TMEM164: variants seen among roughly 807,000 people sequenced by gnomAD.
TMEM164 encodes RP13-360B22.2.
Under a neutral mutation model 18.8 loss-of-function variants are expected in TMEM164, and 4 were observed. The ratio of observed to expected loss-of-function variants is 0.21; its 90% CI spans 0.10 to 0.49. TMEM164 has a LOEUF of 0.49. Ranked by LOEUF, TMEM164 falls within the 20% of genes least tolerant of loss-of-function variation. The pLI, the probability that TMEM164 is intolerant of heterozygous loss-of-function variation, is 0.98. For synonymous variants in TMEM164, 86 were observed against 101.7 expected (o/e 0.85, Z 0.93); for missense variants, 108 against 239.9 (o/e 0.45, Z 3.63).
chrX:110,164,344 A>G, intron 5 of TMEM164, among the ~76,000 whole-genome samples: 1 of 111,811 alleles, frequency 8.9e-6, no homozygotes, highest in Admixed American at 9.5e-5. Context: ...AAAGGGAGCC[A>G]TGAGGGACAG....
At chrX:110,076,713 T>C (rs772293250) in intron 3 of TMEM164, among the ~76,000 whole-genome samples, 24 of 112,285 alleles carry the variant, frequency 2.1e-4, no homozygotes, top group African/African-American at 7.7e-4. Context: ...TCTGCCTTAA[T>C]TGTATGGTTT....
downstream of TMEM164, among the ~76,000 whole-genome samples, chrX:110,181,561 G>A (rs1370532063): frequency 2.7e-5 from 3 of 113,068 alleles, no homozygotes; most frequent in African/African-American, 9.6e-5. Flanking sequence ...TACAACCTCA[G>A]TAGTTATGTC....
At position 110,035,191 on chromosome X, in the gene TMEM164, G is replaced by A. The variant is rs754529599; in HGVS notation, c.390+31027G>A. 4.7e-3 allele frequency among the ~76,000 whole-genome samples: 507 copies of A among 108,157 alleles called. 2 individuals carry two copies. The highest frequency in any genetic ancestry group is 8.4e-3 in the Non-Finnish European group (437 of 52,182). 93.9% of individuals were successfully genotyped at this position (108,157 alleles called of 115,157 possible). A position where few individuals can be genotyped will look rare whatever the true frequency, so the allele number is the denominator to read the frequency against. On this transcript the variant is annotated intron_variant, in intron 2 of 6. Transcript: ENST00000372068. ...CATATGTAACTAACATGCACGTTGT[G>A]CACATGTACCCTAAAACTTAAAGTA...
intron 4 of TMEM164, 143 bp downstream of exon 4, chrX:110,109,289 G>A (rs1257221404): frequency 2.6e-5 from 13 of 503,335 alleles, no homozygotes; most frequent in East Asian, 3.9e-5. Flanking sequence ...AGGCCAAGGC[G>A]GGTGGATCAC....
rs1260107772 is a variant in TMEM164, at chrX:110,175,163, C to G, written c.*1712C>G. The G allele has an allele frequency of 1.3e-4, 15 of 112,882 alleles. No homozygotes were observed. The highest frequency in any genetic ancestry group is 4.8e-4 in the African/African-American group (15 of 31,085). 9.3% of individuals were successfully genotyped at this position (112,882 alleles called of 1,213,427 possible). A position where few individuals can be genotyped will look rare whatever the true frequency, so the allele number is the denominator to read the frequency against. On this transcript the variant is annotated 3_prime_UTR_variant, in exon 7 of 7. Coordinates refer to ENST00000372068, the MANE Select transcript of TMEM164 (RefSeq NM_032227.4). ...TCTTTGAAGGCAGGGCCAAACTTTT[C>G]TTAGTGCCTCTCACCTTAGGGTGGC...
At chrX:110,072,296 CAAAA>C (rs56056315) in intron 3 of TMEM164, among the ~76,000 whole-genome samples, 1 of 46,317 alleles carries the variant, frequency 2.2e-5, no homozygotes, top group Non-Finnish European at 3.8e-5. Flanking sequence ...GACTCCATCT[CAAAA>C]AAAAAAAAAA....
intron 2 of TMEM164, among the ~76,000 whole-genome samples, chrX:110,021,049 G>A (rs1327887904): frequency 9.4e-6 from 1 of 106,516 alleles, no homozygotes; most frequent in East Asian, 2.9e-4. Context: ...TAAAAATCTG[G>A]AAGAATGTAT....
chrX:110,044,433 T>TG (rs1555990454), intron 2 of TMEM164, among the ~76,000 whole-genome samples: 32 of 109,255 alleles, frequency 2.9e-4, no homozygotes, highest in Non-Finnish European at 5.0e-4. Flanking sequence ...AGGTTTTTTT[T>TG]TTGTTGTTGT....
chrX:110,025,706 A>G (rs998917065), intron 2 of TMEM164, among the ~76,000 whole-genome samples: 10 of 111,991 alleles, frequency 8.9e-5, no homozygotes, highest in African/African-American at 2.9e-4. Flanking sequence ...GCTGCCTTTC[A>G]GTTTTCTATT....
At chrX:110,114,962 GC>G in intron 4 of TMEM164, among the ~76,000 whole-genome samples, 1 of 111,665 alleles carries the variant, frequency 9.0e-6, no homozygotes, top group East Asian at 2.8e-4. Context: ...CTCTCCTTTT[GC>G]CCAGTTCTTT....
At chrX:110,053,271 TGGTTGACA>T (rs1457757426) in intron 2 of TMEM164, among the ~76,000 whole-genome samples, 1 of 111,743 alleles carries the variant, frequency 8.9e-6, no homozygotes, top group East Asian at 2.8e-4. Context: ...GCTTTAATTT[TGGTTGACA>T]GGGTGCCGTA....
At chrX:110,032,077 T>C (rs186458093) in intron 2 of TMEM164, among the ~76,000 whole-genome samples, 3 of 111,496 alleles carry the variant, frequency 2.7e-5, no homozygotes, top group East Asian at 2.8e-4. Flanking sequence ...TTACAGAATA[T>C]GGCTGCATGA....
intron 2 of TMEM164, among the ~76,000 whole-genome samples, chrX:110,039,157 A>G (rs1358959702): frequency 8.9e-6 from 1 of 112,277 alleles, no homozygotes; most frequent in Non-Finnish European, 1.9e-5. Context: ...TCTGTACAGC[A>G]TGATTCCTGG....
At chrX:110,069,156 A>T (rs1262731944) in intron 3 of TMEM164, among the ~76,000 whole-genome samples, 1 of 111,784 alleles carries the variant, frequency 8.9e-6, no homozygotes, top group Non-Finnish European at 1.9e-5. Context: ...TTAGATATAG[A>T]TGTAGGTAGA....
chrX:110,040,365 A>G (rs897651660), intron 2 of TMEM164, among the ~76,000 whole-genome samples: 9 of 111,791 alleles, frequency 8.1e-5, no homozygotes, highest in Non-Finnish European at 1.5e-4. Context: ...ACATTTTAGT[A>G]GAACGACTGG....
At chrX:110,143,677 G>A (rs1295745275) in intron 4 of TMEM164, among the ~76,000 whole-genome samples, 1 of 110,879 alleles carries the variant, frequency 9.0e-6, no homozygotes, top group East Asian at 2.8e-4. Flanking sequence ...GGGCTCCTGT[G>A]GCTGGGGAGC....
chrX:110,135,938 A>G (rs1393660040), intron 4 of TMEM164, among the ~76,000 whole-genome samples: 1 of 111,827 alleles, frequency 8.9e-6, no homozygotes, highest in African/African-American at 3.3e-5. Flanking sequence ...AAAATTATCA[A>G]CATTTCTATA....
At chrX:110,134,980 G>A (rs2066668298) in intron 4 of TMEM164, among the ~76,000 whole-genome samples, 1 of 111,060 alleles carries the variant, frequency 9.0e-6, no homozygotes, top group South Asian at 3.8e-4. Flanking sequence ...TTAACAGTTT[G>A]GTGTACTTAT....
At chrX:110,105,775 G>C (rs2066192009) in intron 3 of TMEM164, among the ~76,000 whole-genome samples, 1 of 106,606 alleles carries the variant, frequency 9.4e-6, no homozygotes, top group South Asian at 4.4e-4. Context: ...GAGAGAGAGA[G>C]AGAGAGAGAG....
Sources: gnomAD v4.1 joint callset for allele counts (sites outside exome capture counted in the v4.1 genomes callset) on GRCh38, gnomAD v4.1.1 for gene constraint, MANE v1.5 for transcripts, NCBI Gene and HGNC (gene_info 2026-07-23, HGNC 2026-07-21) for gene names.